Variants in DNAH2 observed in about 807,000 individuals in gnomAD.
The protein encoded by DNAH2 is axonemal beta dynein heavy chain 2.
In DNAH2, 323 loss-of-function variants were observed where a neutral mutation model predicts 523.5. The ratio of observed to expected loss-of-function variants is 0.62; its 90% CI spans 0.56 to 0.68. The LOEUF is 0.68. Ranked by LOEUF, DNAH2 falls within the 30% of genes least tolerant of loss-of-function variation. The probability of loss-of-function intolerance (pLI) is 0.00; values close to 1 mark genes in which losing one functional copy is unlikely to be tolerated. For missense variants in DNAH2, 4,907 were observed against 5,701.5 expected, an observed-to-expected ratio of 0.86 and a Z score of 4.49; for synonymous variants, 2,093 against 2,177.4, an observed-to-expected ratio of 0.96 and a Z score of 1.08.
intron 24 of DNAH2, among the ~76,000 whole-genome samples, 186 bp downstream of exon 24, chr17:7,768,453 A>G (rs1007832823): frequency 3.3e-5 from 5 of 152,178 alleles, no homozygotes; most frequent in Admixed American, 6.5e-5. Context: ...AATTGCATAC[A>G]CTTTGGTGTA....
chr17:7,792,395 G>T, intron 46 of DNAH2, 52 bp downstream of exon 46: 1 of 1,575,488 alleles, frequency 6.3e-7, no homozygotes, highest in Non-Finnish European at 8.7e-7. Context: ...GTAGGTGGGG[G>T]ATGTGGCAAG....
chr17:7,781,553 T>A (rs1471654118), intron 39 of DNAH2, among the ~76,000 whole-genome samples: 2 of 152,218 alleles, frequency 1.3e-5, no homozygotes, highest in Non-Finnish European at 2.9e-5. Flanking sequence ...AATAGAAAAC[T>A]TGGCTTCCAG....
intron 8 of DNAH2, among the ~76,000 whole-genome samples, chr17:7,737,750 C>T (rs546022655): frequency 6.6e-6 from 1 of 152,238 alleles, no homozygotes; most frequent in Admixed American, 6.5e-5. Context: ...CAGAGCTGGG[C>T]TGAGGCAGAG....
At position 7,830,450 on chromosome 17, in the gene DNAH2, G is replaced by A; in HGVS notation, c.12004G>A (p.Gly4002Ser). 1.2e-6 allele frequency: 2 copies of A among 1,614,226 alleles called. No individual in the cohort carries two copies. The highest frequency in any genetic ancestry group is 1.1e-5 in the South Asian group (1 of 91,090). ...TGAACGCAAAAAGTTCCTGCAGCTTGGCTGGAACATCATCTATGGCTTCAA... is the reference window on the plus strand; with the variant it reads ...TGAACGCAAAAAGTTCCTGCAGCTTAGCTGGAACATCATCTATGGCTTCAA... ...LLERKKFLQL[G>S]WNIIYGFNDS... Residue 4002 changes from glycine to serine, a missense_variant, in exon 78 of 86, where the codon GGC becomes AGC. This residue lies in a region of DNAH2 where 1,851 missense variants were observed against 2,139.4 expected (regional missense o/e 0.87). Coordinates refer to ENST00000572933, the MANE Select transcript of DNAH2 (RefSeq NM_020877.5).
chr17:7,765,414 C>G lies in DNAH2; in HGVS notation c.3360C>G (p.Leu1120=), dbSNP rs1480429304. The change falls in exon 21 of 86, where the codon CTC becomes CTG. Residue 1120 remains leucine, a synonymous_variant. Transcript: ENST00000572933. ...AGGTCCTGGAGATGCTGGACAGTCT[C>G]AACGGGGAGTGGGTTGTCTTCCAAC... The part of the protein sequence containing the change: ...EDSVLEMLDS[L]NGEWVVFQQT... The G allele has an allele frequency of 6.2e-7, 1 of 1,613,884 alleles. No individual in the cohort carries two copies. The highest frequency in any genetic ancestry group is 1.1e-5 in the South Asian group (1 of 91,038).
intron 28 of DNAH2, among the ~76,000 whole-genome samples, 199 bp from the exon 29 acceptor site, chr17:7,774,560 A>G (rs1309897656): frequency 2.6e-5 from 4 of 152,238 alleles, no homozygotes; most frequent in African/African-American, 9.6e-5. Context: ...ATAGTGCATA[A>G]TGAATACTGT....
At chr17:7,774,696 G>T (rs2076401363) in intron 28 of DNAH2, 63 bp from the exon 29 acceptor site, 2 of 1,450,654 alleles carry the variant, frequency 1.4e-6, no homozygotes, top group Non-Finnish European at 1.9e-6. Flanking sequence ...CAGAGTTGGG[G>T]CATCCAGATC....
intron 64 of DNAH2, among the ~76,000 whole-genome samples, chr17:7,817,002 C>A (rs1024424236): frequency 6.6e-6 from 1 of 152,208 alleles, no homozygotes; most frequent in East Asian, 1.9e-4. Context: ...TGTAGCCCAA[C>A]AACCAGACAG....
intron 20 of DNAH2, among the ~76,000 whole-genome samples, chr17:7,764,916 C>T (rs1190101747): frequency 1.4e-5 from 2 of 143,448 alleles, no homozygotes; most frequent in Admixed American, 1.5e-4. Flanking sequence ...AATCATGGCT[C>T]ACTGCAGCCT....
At chr17:7,806,270 G>A (rs2077364016) in intron 61 of DNAH2, among the ~76,000 whole-genome samples, 1 of 152,210 alleles carries the variant, frequency 6.6e-6, no homozygotes, top group Admixed American at 6.5e-5. Flanking sequence ...CATTCAGTAG[G>A]TTAGATGCAT....
intron 13 of DNAH2, 66 bp from the exon 14 acceptor site, chr17:7,758,429 T>G (rs1417720863): frequency 3.9e-6 from 6 of 1,543,178 alleles, no homozygotes; most frequent in African/African-American, 1.4e-5. Context: ...CTCCACTGTT[T>G]CCTGAAGTGG....
At chr17:7,738,776 C>G in intron 8 of DNAH2, 1 of 556,480 alleles carries the variant, frequency 1.8e-6, no homozygotes, top group Admixed American at 3.0e-5. Flanking sequence ...TGGTTCTTCT[C>G]ACCTTGAGTC....
intron 72 of DNAH2, among the ~76,000 whole-genome samples, chr17:7,819,717 CT>C (rs761432256): frequency 1.3e-5 from 2 of 152,208 alleles, no homozygotes; most frequent in Non-Finnish European, 2.9e-5. Flanking sequence ...GGTTGGGATT[CT>C]GCAGGTCTGG....
chr17:7,721,792 C>T (rs957882277), intron 2 of DNAH2, among the ~76,000 whole-genome samples: 5 of 152,218 alleles, frequency 3.3e-5, no homozygotes, highest in African/African-American at 1.2e-4. Context: ...GAAACAGAGC[C>T]GCTGGGTTTT....
intron 52 of DNAH2, 54 bp from the exon 53 acceptor site, chr17:7,797,626 G>A (rs376865113): frequency 4.1e-5 from 66 of 1,613,620 alleles, no homozygotes; most frequent in East Asian, 2.7e-4. Context: ...GGAGCCCTGT[G>A]GGGGGAGGCA....
At chr17:7,725,677 G>A (rs1000001844) in intron 3 of DNAH2, among the ~76,000 whole-genome samples, 3 of 142,126 alleles carry the variant, frequency 2.1e-5, no homozygotes, top group African/African-American at 5.2e-5. Flanking sequence ...CCTGTGATTC[G>A]CCCCCACCCC....
rs35943055 is a variant in DNAH2, at chr17:7,826,535, C to CTTTTT, written c.11853+1826_11853+1830dup. On this transcript the variant is annotated intron_variant, in intron 77 of 85. Coordinates refer to ENST00000572933, the MANE Select transcript of DNAH2 (RefSeq NM_020877.5). ...CCTTGAATATCTGTGTGCCCATCAT[C>CTTTTT]TTTTTTTTTTTTTTTTTTTTTTGAG... Among the ~76,000 whole-genome samples, 144 of 111,250 alleles carry CTTTTT rather than the reference C, an allele frequency of 1.3e-3. 1 individual carries two copies. The highest frequency in any genetic ancestry group is 4.4e-3 in the East Asian group (14 of 3,174). 73.0% of individuals were successfully genotyped at this position (111,250 alleles called of 152,430 possible). A position where few individuals can be genotyped will look rare whatever the true frequency, so the allele number is the denominator to read the frequency against.
intron 22 of DNAH2, among the ~76,000 whole-genome samples, chr17:7,767,228 T>A (rs1332147175): frequency 6.6e-6 from 1 of 152,154 alleles, no homozygotes; most frequent in East Asian, 1.9e-4. Flanking sequence ...CTTAGCATAA[T>A]GTCTTCAAGG....
Position 7,780,355 on chromosome 17 carries a change from C to A in DNAH2, c.5850+71C>A. The A allele has an allele frequency of 6.3e-7, 1 of 1,597,170 alleles. No homozygotes were observed. Among genetic ancestry groups the A allele is most frequent in the African/African-American group, 1.3e-5 (1 of 74,086 alleles). ...TAATTATTCCCTGGACAGAGGAGCT[C>A]CCCAAGGGCCTCACAATCAGCTTAT... is the stretch of plus-strand genomic sequence containing the variant. On this transcript the variant is annotated intron_variant, in intron 37 of 85. Coordinates refer to ENST00000572933, the MANE Select transcript of DNAH2 (RefSeq NM_020877.5). The surrounding 1 kb of genome is among the most constrained non-coding windows in gnomAD (Gnocchi z 4.4).
Sources: allele counts gnomAD v4.1 joint callset (sites outside exome capture counted in the v4.1 genomes callset), GRCh38; gene constraint gnomAD v4.1.1; regional missense constraint gnomAD v4.1.1; non-coding constraint Gnocchi (gnomAD v3.1); transcripts MANE v1.5; gene names NCBI Gene and HGNC (gene_info 2026-07-23, HGNC 2026-07-21).